PTPRD: variants seen among roughly 807,000 people sequenced by gnomAD.
The protein encoded by PTPRD is receptor-type tyrosine-protein phosphatase delta.
A neutral mutation model predicts 214.5 loss-of-function variants in PTPRD; 34 were observed. The observed-to-expected ratio is 0.16, with a 90% CI of 0.12 to 0.21. The LOEUF is 0.21. PTPRD is among the 10% of genes least tolerant of loss of function. The pLI is 1.00. For synonymous variants in PTPRD, 1,128 were observed against 845.7 expected (o/e 1.33, Z -5.79); for missense variants, 2,545 against 2,398.7 (o/e 1.06, Z -1.27).
At chr9:8,784,291 G>A (rs1304770812) in intron 11 of PTPRD, among the ~76,000 whole-genome samples, 1 of 152,078 alleles carries the variant, frequency 6.6e-6, no homozygotes, top group Non-Finnish European at 1.5e-5. Context: ...TCCCAACCAA[G>A]CTTTTCTCTC....
At chr9:8,811,762 C>T (rs2096810341) in intron 11 of PTPRD, among the ~76,000 whole-genome samples, 1 of 152,204 alleles carries the variant, frequency 6.6e-6, no homozygotes, top group South Asian at 2.1e-4. Context: ...AGTCGTAATT[C>T]AATTTCATCT....
At chr9:9,709,248 T>C (rs534557653) in intron 7 of PTPRD, among the ~76,000 whole-genome samples, 2 of 152,150 alleles carry the variant, frequency 1.3e-5, no homozygotes, top group East Asian at 3.9e-4. Flanking sequence ...TCTTTTGGAT[T>C]GTGTATTTTG....
intron 2 of PTPRD, among the ~76,000 whole-genome samples, chr9:10,513,030 G>A (rs1301299043): frequency 6.6e-6 from 1 of 152,212 alleles, no homozygotes; most frequent in African/African-American, 2.4e-5. Flanking sequence ...ACTGATTTTT[G>A]TGTTATCAGA....
At chr9:8,978,732 A>G (rs2154338687) in intron 11 of PTPRD, among the ~76,000 whole-genome samples, 1 of 152,270 alleles carries the variant, frequency 6.6e-6, no homozygotes, top group East Asian at 1.9e-4. Flanking sequence ...AGGGAGAGAC[A>G]CAAGGAACAA....
chr9:10,142,295 G>T (rs1357309055), intron 3 of PTPRD, among the ~76,000 whole-genome samples: 3 of 151,158 alleles, frequency 2.0e-5, no homozygotes, highest in Admixed American at 2.0e-4. Context: ...AAACTAAAGA[G>T]CTTCTGCACA....
intron 9 of PTPRD, among the ~76,000 whole-genome samples, chr9:9,217,012 A>T (rs968490820): frequency 6.6e-6 from 1 of 152,166 alleles, no homozygotes; most frequent in East Asian, 1.9e-4. Flanking sequence ...AAAAAAATTC[A>T]AAGAACCAAT....
chr9:9,447,833 G>A (rs1364273566), intron 8 of PTPRD, among the ~76,000 whole-genome samples: 2 of 152,118 alleles, frequency 1.3e-5, no homozygotes, highest in African/African-American at 2.4e-5. Flanking sequence ...TGAAGACACT[G>A]ACGTAGAAAT....
intron 14 of PTPRD, among the ~76,000 whole-genome samples, chr9:8,542,409 T>C (rs562092421): frequency 6.6e-6 from 1 of 152,080 alleles, no homozygotes; most frequent in Non-Finnish European, 1.5e-5. Context: ...TGTAAGGAGA[T>C]AGGGAGAAGT....
At chr9:9,082,158 A>T (rs764501591) in intron 10 of PTPRD, among the ~76,000 whole-genome samples, 2 of 152,124 alleles carry the variant, frequency 1.3e-5, no homozygotes, top group Non-Finnish European at 2.9e-5. Context: ...GACACAACAA[A>T]AAAAGAAAAT....
chr9:9,641,844 T>C (rs537397004), intron 7 of PTPRD, among the ~76,000 whole-genome samples: 1 of 152,134 alleles, frequency 6.6e-6, no homozygotes, highest in South Asian at 2.1e-4. Flanking sequence ...GTAATCACCC[T>C]AGCACCTGGA....
intron 5 of PTPRD, among the ~76,000 whole-genome samples, chr9:9,930,788 G>A (rs1012501654): frequency 6.6e-6 from 1 of 151,822 alleles, no homozygotes; most frequent in East Asian, 1.9e-4. Flanking sequence ...AGCATAATAT[G>A]TATGTTTATC....
intron 4 of PTPRD, among the ~76,000 whole-genome samples, chr9:9,998,132 A>ATATC (rs1412822700): frequency 7.7e-6 from 1 of 130,082 alleles, no homozygotes; most frequent in Admixed American, 7.8e-5. Flanking sequence ...AAAAAAAAAT[A>ATATC]TATATATATA....
intron 9 of PTPRD, among the ~76,000 whole-genome samples, chr9:9,286,866 A>G: frequency 8.7e-6 from 1 of 115,358 alleles, no homozygotes; most frequent in Non-Finnish European, 1.8e-5. Context: ...CAGTCTTGAA[A>G]CTACTGAATA....
At chr9:10,254,065 A>T (rs1411737730) in intron 3 of PTPRD, among the ~76,000 whole-genome samples, 1 of 152,180 alleles carries the variant, frequency 6.6e-6, no homozygotes, top group Non-Finnish European at 1.5e-5. Context: ...TTCTGAGCAA[A>T]TTTTGCAAAA....
chr9:9,717,476 C>A (rs1477401645), intron 7 of PTPRD, among the ~76,000 whole-genome samples: 2 of 152,084 alleles, frequency 1.3e-5, no homozygotes, highest in Non-Finnish European at 2.9e-5. Context: ...AGCTAAGAAG[C>A]TTTTTAATGA....
rs967539261 is a variant in PTPRD, at chr9:9,789,401, A to G, written c.-367-22550T>C. Among the ~76,000 whole-genome samples the G allele has an allele frequency of 1.8e-4, 28 of 152,200 alleles. 1 individual carries two copies. The highest frequency in any genetic ancestry group is 1.8e-3 in the Admixed American group (27 of 15,286). ...GAATATAAATAAACTCAAACAATAAATTACTTGCTCCAAAATATTTTATTC... is the reference window on the plus strand; with the variant it reads ...GAATATAAATAAACTCAAACAATAAGTTACTTGCTCCAAAATATTTTATTC... On this transcript the variant is annotated intron_variant, in intron 5 of 45. Coordinates refer to ENST00000381196, the MANE Select transcript of PTPRD (RefSeq NM_002839.4).
chr9:10,390,214 G>A (rs945769561), intron 2 of PTPRD, among the ~76,000 whole-genome samples: 7 of 151,792 alleles, frequency 4.6e-5, no homozygotes, highest in Non-Finnish European at 7.4e-5. Flanking sequence ...GATAAGAACA[G>A]TGACATTCAA....
At chr9:9,638,499 T>G (rs2095842260) in intron 7 of PTPRD, among the ~76,000 whole-genome samples, 1 of 152,210 alleles carries the variant, frequency 6.6e-6, no homozygotes, top group South Asian at 2.1e-4. Flanking sequence ...TTCACTGACA[T>G]GATCAATTAA....
intron 2 of PTPRD, among the ~76,000 whole-genome samples, chr9:10,485,728 ATTTG>A (rs1566430364): frequency 6.6e-6 from 1 of 152,006 alleles, no homozygotes; most frequent in East Asian, 1.9e-4. Flanking sequence ...AATTTAATGA[ATTTG>A]TTTATCAGTT....
Sources: allele counts gnomAD v4.1 joint callset (sites outside exome capture counted in the v4.1 genomes callset), GRCh38; gene constraint gnomAD v4.1.1; transcripts MANE v1.5; gene names NCBI Gene and HGNC (gene_info 2026-07-23, HGNC 2026-07-21).